PRAG1: variants seen among roughly 807,000 people sequenced by gnomAD.
PRAG1 encodes the protein PEAK1 related, kinase-activating pseudokinase 1, also known as inactive tyrosine-protein kinase PRAG1.
In PRAG1, 110 loss-of-function variants were observed where a neutral mutation model predicts 95.6. The observed-to-expected ratio is 1.15, with a 90% CI of 0.99 to 1.35. PRAG1 has a LOEUF of 1.35. Among genes scored for constraint, PRAG1 ranks in the 40% most tolerant of loss-of-function variants. The pLI, the probability that PRAG1 is intolerant of heterozygous loss-of-function variation, is 0.00. For missense variants in PRAG1, 2,554 were observed against 1,864.7 expected (o/e 1.37, Z -6.81); for synonymous variants, 1,052 against 819.4 (o/e 1.28, Z -4.85).
In PRAG1 at chr8:8,383,615, C is replaced by T. The variant is rs189330271; in HGVS notation, c.-87-1781G>A. 1.6e-3 allele frequency among the ~76,000 whole-genome samples: 249 copies of T among 152,176 alleles called. 2 individuals carry two copies. Among genetic ancestry groups the T allele is most frequent in the Non-Finnish European group, 1.4e-3 (92 of 67,994 alleles). On this transcript the variant is annotated intron_variant, in intron 1 of 5. Transcript: ENST00000615670. ...AAAAAAAAGTTAAGAATAAAGCCCACTGCATCTTTAAGCTAAATAAATCCT... is the reference window on the plus strand; with the variant it reads ...AAAAAAAAGTTAAGAATAAAGCCCATTGCATCTTTAAGCTAAATAAATCCT...
intron 5 of PRAG1, among the ~76,000 whole-genome samples, chr8:8,323,491 T>C (rs1442646310): frequency 6.6e-6 from 1 of 152,038 alleles, no homozygotes; most frequent in Non-Finnish European, 1.5e-5. Flanking sequence ...CTAATTTTTG[T>C]ATTGTTCATT....
chr8:8,318,668 TGG>T lies in PRAG1; in HGVS notation c.3705_3706del (p.Ser1235ArgfsTer19). ...CACGATCTCGGGGGCCAGCCGGGCC[TGG>T]CTCTTCTTCTGCTGCAGGTTTGGGG... On this transcript the variant is annotated frameshift_variant, in exon 6 of 6. Coordinates refer to ENST00000615670, the MANE Select transcript of PRAG1 (RefSeq NM_001080826.3). LOFTEE classifies it high-confidence loss of function. This position sits in a 1 kb window ranked among gnomAD's most constrained non-coding sequence, Gnocchi z 4.2. The T allele has an allele frequency of 6.2e-7, 1 of 1,611,754 alleles. No individual in the cohort carries two copies. Among genetic ancestry groups the T allele is most frequent in the Non-Finnish European group, 8.5e-7 (1 of 1,179,800 alleles).
chr8:8,377,099 G>A lies in PRAG1; in HGVS notation c.1310C>T (p.Ala437Val), dbSNP rs1316910023. The A allele has an allele frequency of 6.2e-7, 1 of 1,613,544 alleles. No individual in the cohort carries two copies. Among genetic ancestry groups the A allele is most frequent in the South Asian group, 1.1e-5 (1 of 91,094 alleles). Residue 437 changes from alanine to valine, a missense_variant, in exon 3 of 6, where the codon GCT becomes GTT. Physicochemically the swap from Ala to Val is moderately conservative, Grantham distance 64 (BLOSUM62 0). Coordinates refer to ENST00000615670, the MANE Select transcript of PRAG1 (RefSeq NM_001080826.3). ...SKSQAKIEHA[A>V]AAQGQGQVCT... ...TACCTGGCCTTGGCCCTGGGCAGCA[G>A]CTGCATGTTCTATCTTGGCCTGTGA... is the stretch of plus-strand genomic sequence containing the variant.
chr8:8,382,520 T>A (rs982250491), intron 1 of PRAG1, among the ~76,000 whole-genome samples: 3 of 152,174 alleles, frequency 2.0e-5, no homozygotes, highest in African/African-American at 7.2e-5. Context: ...ATGCTGGGTG[T>A]TATAGGCCAA....
Position 8,377,190 on chromosome 8 carries a change from T to C in PRAG1, c.1219A>G (p.Thr407Ala), listed in dbSNP as rs1800439584. Reference sequence around the variant, plus strand: ...TCAGCATAGATGGGTTCAGGCTGTGTAGCCTCCCGGGGGTGGGCCGGGGGC... The same window carrying C: ...TCAGCATAGATGGGTTCAGGCTGTGCAGCCTCCCGGGGGTGGGCCGGGGGC... ...PQPPAHPREA[T>A]QPEPIYAEST... Residue 407 changes from threonine (T) to alanine (A), a missense_variant, in exon 3 of 6, where the codon ACA becomes GCA. Coordinates refer to ENST00000615670, the MANE Select transcript of PRAG1 (RefSeq NM_001080826.3). 1 of 1,611,874 alleles carries C rather than the reference T, an allele frequency of 6.2e-7. No individual in the cohort carries two copies. Among genetic ancestry groups the C allele is most frequent in the South Asian group, 1.1e-5 (1 of 91,078 alleles).
intron 5 of PRAG1, among the ~76,000 whole-genome samples, chr8:8,327,501 C>T (rs564242793): frequency 9.5e-4 from 144 of 152,092 alleles, no homozygotes; most frequent in Non-Finnish European, 1.7e-3. Flanking sequence ...AAATGGGAGG[C>T]GGAGGCTGTA....
chr8:8,365,321 G>A (rs1799963987), intron 3 of PRAG1, among the ~76,000 whole-genome samples: 1 of 152,022 alleles, frequency 6.6e-6, no homozygotes, highest in Admixed American at 6.6e-5. Context: ...CCCAATCCTG[G>A]GCACTGAAAA....
rs373539906 is a variant in PRAG1, at chr8:8,319,032, G to A, written c.3343C>T (p.Pro1115Ser). The change falls in exon 6 of 6, where the codon CCC becomes TCC. Residue 1115 changes from proline (P) to serine (S), a missense_variant. Transcript: ENST00000615670. Reference sequence around the variant, plus strand: ...CACACGCGCCGCTCGTACGCCTCGGGCTCCGCCTGGTGGCTGGCCGCCGAG... The same window carrying A: ...CACACGCGCCGCTCGTACGCCTCGGACTCCGCCTGGTGGCTGGCCGCCGAG... ...RDSAASHQAE[P>S]EAYERRVCFL... 1.5e-5 allele frequency: 25 copies of A among 1,613,154 alleles called. No individual in the cohort carries two copies. The African/African-American group carries it at 2.1e-4, about 14-fold the overall frequency.
chr8:8,332,250 C>A (rs1585227032), intron 4 of PRAG1, among the ~76,000 whole-genome samples: 1 of 150,636 alleles, frequency 6.6e-6, no homozygotes, highest in Admixed American at 6.6e-5. Context: ...CAAACTCTGC[C>A]TCCTGGGTTC....
intron 1 of PRAG1, among the ~76,000 whole-genome samples, chr8:8,384,387 T>C (rs1800780746): frequency 6.6e-6 from 1 of 152,048 alleles, no homozygotes; most frequent in Non-Finnish European, 1.5e-5. Flanking sequence ...TTACGAGCAC[T>C]CTTTGCTCCC....
At position 8,330,776 on chromosome 8, in the gene PRAG1, C is replaced by T. The variant is rs570838615; in HGVS notation, c.2321-2315G>A. Among the ~76,000 whole-genome samples the T allele has an allele frequency of 8.5e-5, 13 of 152,258 alleles. No homozygotes were observed. The South Asian group carries it at 1.7e-3, about 19-fold the overall frequency. On this transcript the variant is annotated intron_variant, in intron 4 of 5. Coordinates refer to ENST00000615670, the MANE Select transcript of PRAG1 (RefSeq NM_001080826.3). ...TCCCCAGGAAAGCAATGGGGACAGACGGAGGCTAGGGCAGATGATTCACTT... is the reference window on the plus strand; with the variant it reads ...TCCCCAGGAAAGCAATGGGGACAGATGGAGGCTAGGGCAGATGATTCACTT...
intron 3 of PRAG1, among the ~76,000 whole-genome samples, chr8:8,349,756 T>C (rs1799459394): frequency 6.6e-6 from 1 of 152,144 alleles, no homozygotes; most frequent in Non-Finnish European, 1.5e-5. Flanking sequence ...TCATCTTTGG[T>C]CAGATGACCT....
At chr8:8,365,267 C>T (rs1227771857) in intron 3 of PRAG1, among the ~76,000 whole-genome samples, 1 of 152,110 alleles carries the variant, frequency 6.6e-6, no homozygotes, top group East Asian at 1.9e-4. Flanking sequence ...TAAACTATCC[C>T]TCCCAAAGAT....
At chr8:8,351,171 A>T (rs1265114689) in intron 3 of PRAG1, among the ~76,000 whole-genome samples, 2 of 152,164 alleles carry the variant, frequency 1.3e-5, no homozygotes, top group African/African-American at 4.8e-5. Context: ...GGCCTCATGA[A>T]ATTTAAAAAC....
chr8:8,370,877 T>C (rs1158627584), intron 3 of PRAG1, among the ~76,000 whole-genome samples: 2 of 152,112 alleles, frequency 1.3e-5, no homozygotes, highest in East Asian at 3.9e-4. Context: ...GACCGGGGGC[T>C]GTAGCTCACA....
At chr8:8,368,532 C>T (rs895895805) in intron 3 of PRAG1, among the ~76,000 whole-genome samples, 1 of 152,174 alleles carries the variant, frequency 6.6e-6, no homozygotes, top group Non-Finnish European at 1.5e-5. Flanking sequence ...GTTGGTCTAT[C>T]AACCCTGATA....
In PRAG1 at chr8:8,319,437, T is replaced by A. The variant is rs552545709; in HGVS notation, c.3073-135A>T. Reference sequence around the variant, plus strand: ...TAAGGGTAAGAGCAATCCATACACATGCTAGAAGAAAACATGGGACAGAAT... The same window carrying A: ...TAAGGGTAAGAGCAATCCATACACAAGCTAGAAGAAAACATGGGACAGAAT... On this transcript the variant is annotated intron_variant, in intron 5 of 5. Coordinates refer to ENST00000615670, the MANE Select transcript of PRAG1 (RefSeq NM_001080826.3). 16 of 573,906 alleles carry A rather than the reference T, an allele frequency of 2.8e-5. No individual in the cohort carries two copies. In the South Asian group the frequency reaches 1.0e-3, roughly 37 times the overall value. The allele number at this position is 573,906 out of a possible 1,614,324, so 35.6% of individuals were successfully genotyped here. A position where few individuals can be genotyped will look rare whatever the true frequency, so the allele number is the denominator to read the frequency against.
At chr8:8,378,378 T>A (rs1422439337) in intron 2 of PRAG1, among the ~76,000 whole-genome samples, 1 of 152,168 alleles carries the variant, frequency 6.6e-6, no homozygotes, top group African/African-American at 2.4e-5. Context: ...AATATAACTC[T>A]GAAAAAGAAC....
chr8:8,346,872 T>G (rs1443170923), intron 3 of PRAG1, among the ~76,000 whole-genome samples: 1 of 152,212 alleles, frequency 6.6e-6, no homozygotes, highest in Non-Finnish European at 1.5e-5. Context: ...GAGCGGAATC[T>G]TTGAAAACCC....
Sources: gnomAD v4.1 joint callset for allele counts (sites outside exome capture counted in the v4.1 genomes callset) on GRCh38, gnomAD v4.1.1 for gene constraint, Gnocchi (gnomAD v3.1) non-coding constraint, MANE v1.5 for transcripts, NCBI Gene and HGNC (gene_info 2026-07-23, HGNC 2026-07-21) for gene names.